Variants in RNF150 observed in about 807,000 individuals in gnomAD.
The protein encoded by RNF150 is ring finger protein 150.
RNF150 carries 24 observed loss-of-function variants against 39.3 expected under a neutral mutation model. That is an observed-to-expected ratio of 0.61 (90% CI 0.44 to 0.86). The LOEUF (loss-of-function observed/expected upper bound fraction) is 0.86, where lower values mean the gene tolerates loss of function less well. RNF150 is among the 40% of genes least tolerant of loss of function. The probability of loss-of-function intolerance (pLI) is 0.00; values close to 1 mark genes in which losing one functional copy is unlikely to be tolerated. For missense variants in RNF150, 502 were observed against 587.8 expected (o/e 0.85, Z 1.51); for synonymous variants, 255 against 227.3 (o/e 1.12, Z -1.10).
At chr4:140,930,108 C>A (rs1731569745) in intron 4 of RNF150, among the ~76,000 whole-genome samples, 1 of 152,116 alleles carries the variant, frequency 6.6e-6, no homozygotes, top group South Asian at 2.1e-4. Context: ...TTGCAGTGAG[C>A]CGAGATCACA....
chr4:141,060,870 T>C (rs373548914), intron 1 of RNF150, among the ~76,000 whole-genome samples: 2 of 152,308 alleles, frequency 1.3e-5, no homozygotes, highest in African/African-American at 4.8e-5. Flanking sequence ...ACCATCATTC[T>C]AAGCAAACAA....
intron 1 of RNF150, among the ~76,000 whole-genome samples, 169 bp from the exon 2 acceptor site, chr4:140,968,042 C>T (rs1382246288): frequency 6.6e-6 from 1 of 152,096 alleles, no homozygotes; most frequent in Non-Finnish European, 1.5e-5. Flanking sequence ...CAAATTTTCT[C>T]TTTCTTCAGC....
chr4:141,111,805 T>C lies in RNF150; in HGVS notation c.484+20520A>G, dbSNP rs1031786818. ...AAACAAAATATACACTTTACATACC[T>C]GTATATGGACATATTTTAAATTCTT... On this transcript the variant is annotated intron_variant, in intron 1 of 6. Transcript: ENST00000515673. Among the ~76,000 whole-genome samples the C allele has an allele frequency of 8.5e-5, 13 of 152,324 alleles. No homozygotes were observed. The East Asian group carries it at 2.5e-3, about 29-fold the overall frequency.
intron 2 of RNF150, among the ~76,000 whole-genome samples, chr4:140,957,393 A>G (rs1361237490): frequency 6.6e-6 from 1 of 152,100 alleles, no homozygotes; most frequent in Non-Finnish European, 1.5e-5. Context: ...TTAAAAAGTC[A>G]GGAAACAACA....
intron 1 of RNF150, among the ~76,000 whole-genome samples, chr4:141,006,451 C>T (rs1734877539): frequency 6.6e-6 from 1 of 152,154 alleles, no homozygotes; most frequent in Non-Finnish European, 1.5e-5. Flanking sequence ...AAAGTGACAT[C>T]TGGCAACAAG....
At chr4:140,916,149 C>T (rs12646204) in intron 5 of RNF150, among the ~76,000 whole-genome samples, 83,261 of 151,264 alleles carry the variant, frequency 0.55, 23,229 homozygotes, top group East Asian at 0.89. Context: ...TCTCCTCCTC[C>T]AAAAGAATGC....
chr4:141,065,796 G>A (rs79801414), intron 1 of RNF150, among the ~76,000 whole-genome samples: 1,942 of 151,878 alleles, frequency 0.013, 53 homozygotes, highest in African/African-American at 0.045. Flanking sequence ...ACTAAATGCC[G>A]ACTCCCTCCG....
chr4:141,090,820 T>C (rs141165884), intron 1 of RNF150, among the ~76,000 whole-genome samples: 1,535 of 152,334 alleles, frequency 0.01, 27 homozygotes, highest in African/African-American at 0.035. Flanking sequence ...TGTTTTTTTT[T>C]CCAGAGAAGC....
chr4:141,060,428 A>T (rs1167489851), intron 1 of RNF150, among the ~76,000 whole-genome samples: 1 of 152,206 alleles, frequency 6.6e-6, no homozygotes, highest in Non-Finnish European at 1.5e-5. Context: ...GTGACAGAGC[A>T]AGACTCTGTC....
At chr4:141,075,372 A>G (rs1295538856) in intron 1 of RNF150, among the ~76,000 whole-genome samples, 2 of 152,206 alleles carry the variant, frequency 1.3e-5, no homozygotes, top group East Asian at 3.9e-4. Flanking sequence ...GGTCTACACC[A>G]AAGTTGGCCA....
chr4:140,960,694 T>C (rs1182663926), intron 2 of RNF150, among the ~76,000 whole-genome samples: 14 of 152,138 alleles, frequency 9.2e-5, no homozygotes, highest in Admixed American at 9.2e-4. Flanking sequence ...AGAGAGCTTT[T>C]CCCTGACTCT....
At chr4:140,900,553 G>T (rs1730153156) in intron 6 of RNF150, among the ~76,000 whole-genome samples, 4 of 152,204 alleles carry the variant, frequency 2.6e-5, no homozygotes, top group Admixed American at 2.6e-4. Context: ...AGTAGTTCTG[G>T]TAATTGAAGA....
chr4:141,197,285 A>G lies in RNF150; in HGVS notation c.-6+15509T>C, dbSNP rs76054712. On this transcript the variant is annotated intron_variant, in intron 1 of 7. Coordinates refer to the RNF150 transcript ENST00000420921. The stretch of plus-strand genomic sequence containing the variant: ...TGTTGTTTTGAGTTATGCAATAACA[A>G]ATTTAGTTTTACATGTTAGGTACAT... 1.8e-3 allele frequency among the ~76,000 whole-genome samples: 273 copies of G among 152,316 alleles called. 2 individuals are homozygous for G. The highest frequency in any genetic ancestry group is 6.3e-3 in the African/African-American group (262 of 41,586).
At chr4:140,883,301 A>G (rs1419721584) in intron 6 of RNF150, among the ~76,000 whole-genome samples, 2 of 152,130 alleles carry the variant, frequency 1.3e-5, no homozygotes, top group Non-Finnish European at 2.9e-5. Flanking sequence ...ATGTACCACC[A>G]TTACAGTATT....
At chr4:141,150,715 A>G (rs1268877799) in intron 1 of RNF150, among the ~76,000 whole-genome samples, 3 of 152,016 alleles carry the variant, frequency 2.0e-5, no homozygotes, top group Non-Finnish European at 4.4e-5. Context: ...AACATAGTAT[A>G]TTGTTTACTT....
chr4:141,209,695 T>C (rs1728432149), intron 1 of RNF150, among the ~76,000 whole-genome samples: 1 of 152,104 alleles, frequency 6.6e-6, no homozygotes, highest in South Asian at 2.1e-4. Flanking sequence ...GGATTCATAG[T>C]TAAAACCAAA....
At chr4:140,972,055 T>C (rs1733487585) in intron 1 of RNF150, among the ~76,000 whole-genome samples, 1 of 152,158 alleles carries the variant, frequency 6.6e-6, no homozygotes, top group Non-Finnish European at 1.5e-5. Flanking sequence ...TATTGTCCCA[T>C]TTGTAGATAT....
chr4:141,180,973 G>C (rs1560770613), intron 1 of RNF150, among the ~76,000 whole-genome samples: 1 of 152,040 alleles, frequency 6.6e-6, no homozygotes, highest in African/African-American at 2.4e-5. Flanking sequence ...ATTATGGTGA[G>C]TTTTTTTATA....
At chr4:140,937,323 C>T (rs959709210) in intron 4 of RNF150, among the ~76,000 whole-genome samples, 4 of 152,212 alleles carry the variant, frequency 2.6e-5, no homozygotes, top group South Asian at 4.2e-4. Context: ...TGCAATGGTG[C>T]GATCTCAGCT....
Sources: allele counts gnomAD v4.1 joint callset (sites outside exome capture counted in the v4.1 genomes callset), GRCh38; gene constraint gnomAD v4.1.1; transcripts MANE v1.5; gene names NCBI Gene and HGNC (gene_info 2026-07-23, HGNC 2026-07-21).